TTC17: variants seen among roughly 807,000 people sequenced by gnomAD.
TTC17 encodes the protein tetratricopeptide repeat domain 17.
A neutral mutation model predicts 143.8 loss-of-function variants in TTC17; 58 were observed. That is an observed-to-expected ratio of 0.40 (90% CI 0.33 to 0.50). The LOEUF (loss-of-function observed/expected upper bound fraction) is 0.50, where lower values mean the gene tolerates loss of function less well. TTC17 is among the 20% of genes least tolerant of loss of function. TTC17 has a pLI of 0.49. For synonymous variants in TTC17, 501 were observed against 497.8 expected (o/e 1.01, Z -0.09); for missense variants, 1,273 against 1,392.5 (o/e 0.91, Z 1.37).
At chr11:43,418,734 T>C (rs1338708687) in intron 16 of TTC17, among the ~76,000 whole-genome samples, 2 of 152,184 alleles carry the variant, frequency 1.3e-5, no homozygotes, top group South Asian at 2.1e-4. Flanking sequence ...CTCTAAAAAA[T>C]GGAAAATAAC....
chr11:43,396,543 T>C lies in TTC17; in HGVS notation c.664-166T>C, dbSNP rs979385692. ...GATTAGAATGCTCTTCTGACAGGTA[T>C]AGTTTCTTTGCACTGTGTCCTGTTC... On this transcript the variant is annotated intron_variant, in intron 5 of 23. Transcript: ENST00000039989. 2.2e-5 allele frequency: 9 copies of C among 416,258 alleles called. No individual in the cohort carries two copies. The Admixed American group carries it at 3.1e-4, about 14-fold the overall frequency. 25.8% of individuals were successfully genotyped at this position (416,258 alleles called of 1,614,324 possible).
chr11:43,419,848 A>C (rs551105374), intron 16 of TTC17, among the ~76,000 whole-genome samples: 4 of 152,244 alleles, frequency 2.6e-5, no homozygotes, highest in African/African-American at 7.2e-5. Context: ...GTACCACTGC[A>C]CCTGACTCTT....
chr11:43,396,957 C>CAAA (rs11406499), intron 6 of TTC17, 139 bp downstream of exon 6: 162 of 335,778 alleles, frequency 4.8e-4, no homozygotes, highest in South Asian at 1.1e-3. Context: ...AGTCCCACCA[C>CAAA]AAAAAAAAAA....
intron 21 of TTC17, among the ~76,000 whole-genome samples, chr11:43,455,107 A>G (rs1480701227): frequency 6.6e-6 from 1 of 151,448 alleles, no homozygotes; most frequent in Non-Finnish European, 1.5e-5. Flanking sequence ...AATAATAACT[A>G]ACAATATAAA....
chr11:43,407,211 A>C lies in TTC17; in HGVS notation c.1835A>C (p.Asn612Thr), dbSNP rs1218557608. The C allele has an allele frequency of 6.3e-7, 1 of 1,593,588 alleles. No individual in the cohort carries two copies. The highest frequency in any genetic ancestry group is 8.5e-7 in the Non-Finnish European group (1 of 1,170,932). ...GGGTCTTTCTTATTTCATGCTATTA[A>C]TAAGGTGAGTCATTTACTTTAGACA... ...EIGSFLFHAI[N>T]KPNAPIWLIL... Residue 612 changes from asparagine (N) to threonine (T), a missense_variant, in exon 14 of 24, where the codon AAT (asparagine) becomes ACT (threonine). Asn to Thr is a moderately conservative substitution (Grantham distance 65). Around this residue, in one of 3 missense-constraint regions of TTC17, gnomAD observed 878 missense variants for 899.8 expected, o/e 0.98. Coordinates refer to ENST00000039989, the MANE Select transcript of TTC17 (RefSeq NM_018259.6).
intron 1 of TTC17, among the ~76,000 whole-genome samples, chr11:43,370,641 A>C (rs1856528578): frequency 6.6e-6 from 1 of 152,222 alleles, no homozygotes; most frequent in South Asian, 2.1e-4. Context: ...TTAAAAAAAA[A>C]GAACACTTTA....
chr11:43,413,460 GA>G (rs1333349498), intron 15 of TTC17, among the ~76,000 whole-genome samples: 3 of 151,686 alleles, frequency 2.0e-5, no homozygotes, highest in Non-Finnish European at 4.4e-5. Context: ...AATTATAAAA[GA>G]AAAAAATGAT....
intron 1 of TTC17, chr11:43,370,213 C>A (rs1856510127): frequency 5.2e-6 from 2 of 381,450 alleles, no homozygotes; most frequent in Non-Finnish European, 5.2e-6. Flanking sequence ...AGAGATAATT[C>A]CATGAGAAGT....
intron 1 of TTC17, among the ~76,000 whole-genome samples, chr11:43,362,076 G>A (rs1315495282): frequency 6.6e-6 from 1 of 151,450 alleles, no homozygotes; most frequent in African/African-American, 2.4e-5. Flanking sequence ...CGCCTCCCGG[G>A]TTCAAGTGAT....
At chr11:43,375,658 A>C (rs536371873) in intron 1 of TTC17, among the ~76,000 whole-genome samples, 6 of 151,744 alleles carry the variant, frequency 4.0e-5, no homozygotes, top group East Asian at 2.0e-4. Flanking sequence ...AAAAAAAAAC[A>C]GTGAAAGTGT....
At chr11:43,450,027 C>T (rs2134751471) in intron 19 of TTC17, 55 bp from the exon 20 acceptor site, 1 of 1,575,052 alleles carries the variant, frequency 6.3e-7, no homozygotes, top group Non-Finnish European at 8.6e-7. Context: ...TCTCTCTTCT[C>T]TTCCCACCCA....
intron 23 of TTC17, among the ~76,000 whole-genome samples, chr11:43,493,450 A>G (rs1948506540): frequency 6.6e-6 from 1 of 152,174 alleles, no homozygotes; most frequent in Admixed American, 6.5e-5. Context: ...CACTTCAGGC[A>G]CTCAGGAATG....
chr11:43,373,289 T>C (rs1195516251), intron 1 of TTC17, among the ~76,000 whole-genome samples: 1 of 152,018 alleles, frequency 6.6e-6, no homozygotes, highest in Non-Finnish European at 1.5e-5. Context: ...ATTAGAGCCT[T>C]GGTTTAATTT....
At chr11:43,473,099 T>A (rs1208008903) in intron 21 of TTC17, among the ~76,000 whole-genome samples, 2 of 151,388 alleles carry the variant, frequency 1.3e-5, no homozygotes, top group African/African-American at 4.9e-5. Context: ...TGCTTGAACC[T>A]GGGAAGCAGA....
chr11:43,420,745 TGTTG>T (rs1330253213), intron 16 of TTC17, among the ~76,000 whole-genome samples: 5 of 152,184 alleles, frequency 3.3e-5, no homozygotes, highest in Non-Finnish European at 7.3e-5. Context: ...TATAAATATT[TGTTG>T]GTTTTTAATG....
intron 9 of TTC17, 47 bp from the exon 10 acceptor site, chr11:43,401,399 A>C (rs1038089468): frequency 7.5e-7 from 1 of 1,334,526 alleles, no homozygotes. Flanking sequence ...TCACATTGGC[A>C]TTGTTGACCT....
At chr11:43,393,022 T>A (rs984936183) in intron 5 of TTC17, among the ~76,000 whole-genome samples, 1 of 152,218 alleles carries the variant, frequency 6.6e-6, no homozygotes, top group African/African-American at 2.4e-5. Context: ...ATTTGTCTGC[T>A]CAGGCTTCCA....
At chr11:43,448,154 G>A (rs781763497) in intron 19 of TTC17, 32 bp downstream of exon 19, 11 of 1,611,710 alleles carry the variant, frequency 6.8e-6, no homozygotes, top group Non-Finnish European at 9.3e-6. Context: ...CTCCTTTATG[G>A]CATTTGAGTC....
intron 2 of TTC17, among the ~76,000 whole-genome samples, chr11:43,386,565 G>A (rs761297511): frequency 2.6e-5 from 4 of 152,206 alleles, no homozygotes; most frequent in African/African-American, 4.8e-5. Context: ...GGTTTGGGAA[G>A]GATTTCTTAA....
Sources: allele counts gnomAD v4.1 joint callset (sites outside exome capture counted in the v4.1 genomes callset), GRCh38; gene constraint gnomAD v4.1.1; regional missense constraint gnomAD v4.1.1; transcripts MANE v1.5; gene names NCBI Gene and HGNC (gene_info 2026-07-23, HGNC 2026-07-21).